The following CFAP70 variants were observed in gnomAD, a reference collection of about 807,000 sequenced individuals.
The protein encoded by CFAP70 is cilia and flagella associated protein 70.
CFAP70 carries 81 observed loss-of-function variants against 137.6 expected under a neutral mutation model. The observed-to-expected ratio is 0.59, with a 90% CI of 0.49 to 0.71. The LOEUF is 0.71. Among genes scored for constraint, CFAP70 ranks in the 30% least tolerant of loss-of-function variants. CFAP70 has a pLI of 0.00. For synonymous variants in CFAP70, 382 were observed against 423.6 expected (o/e 0.90, Z 1.20); for missense variants, 976 against 1,226.7 (o/e 0.80, Z 3.05).
chr10:73,298,845 G>T, intron 14 of CFAP70, 62 bp downstream of exon 15: 1 of 1,429,402 alleles, frequency 7.0e-7, no homozygotes, highest in Non-Finnish European at 9.8e-7. Context: ...AATGTGATGT[G>T]GGTATGTGGA....
At chr10:73,298,578 A>C (rs1381684565) in intron 14 of CFAP70, among the ~76,000 whole-genome samples, 1 of 152,194 alleles carries the variant, frequency 6.6e-6, no homozygotes, top group East Asian at 1.9e-4. Flanking sequence ...GATTTGAATG[A>C]GAGGCAAGAA....
chr10:73,355,526 C>A (rs993852904), intron 1 of CFAP70, among the ~76,000 whole-genome samples: 2 of 152,186 alleles, frequency 1.3e-5, no homozygotes, highest in Non-Finnish European at 2.9e-5. Flanking sequence ...CGCCTGTAAT[C>A]CCAACACTTT....
At chr10:73,300,091 T>G (rs2048837946) in intron 12 of CFAP70, among the ~76,000 whole-genome samples, 1 of 152,230 alleles carries the variant, frequency 6.6e-6, no homozygotes, top group African/African-American at 2.4e-5. Flanking sequence ...CAAAACCTCT[T>G]CTTTCCTCCC....
chr10:73,284,944 T>C (rs2047578363), intron 19 of CFAP70, among the ~76,000 whole-genome samples: 1 of 151,096 alleles, frequency 6.6e-6, no homozygotes, highest in Non-Finnish European at 1.5e-5. Context: ...AAATATTTTA[T>C]ACTTGCAACT....
At chr10:73,329,013 T>C (rs1589507397) in intron 8 of CFAP70, among the ~76,000 whole-genome samples, 1 of 151,372 alleles carries the variant, frequency 6.6e-6, no homozygotes, top group Non-Finnish European at 1.5e-5. Flanking sequence ...GGACTATAAA[T>C]CATGCTGCTA....
chr10:73,353,669 G>A (rs1460911635), exon 3 of CFAP70: 46 of 1,614,004 alleles, frequency 2.9e-5, no homozygotes, highest in Non-Finnish European at 3.9e-5. Context: ...AGTAATTTTT[G>A]CAGAGTCTCC....
intron 13 of CFAP70, 57 bp from the exon 15 acceptor site, chr10:73,299,158 G>C (rs2048749532): frequency 7.6e-7 from 1 of 1,314,916 alleles, no homozygotes. Flanking sequence ...GCATGGATTG[G>C]AAGTCTAAAA....
At chr10:73,348,123 G>A (rs1160716476) in intron 4 of CFAP70, 33 bp downstream of exon 5, 1 of 1,590,114 alleles carries the variant, frequency 6.3e-7, no homozygotes, top group Admixed American at 1.7e-5. Flanking sequence ...TTGAATGGCA[G>A]GCTGAAATGT....
At chr10:73,267,642 G>A (rs570231442) in intron 25 of CFAP70, among the ~76,000 whole-genome samples, 79 of 152,270 alleles carry the variant, frequency 5.2e-4, no homozygotes, top group African/African-American at 1.9e-3. Flanking sequence ...ATTTTCTACT[G>A]CTGTGTATAA....
intron 24 of CFAP70, among the ~76,000 whole-genome samples, chr10:73,270,176 C>T (rs1564757503): frequency 6.6e-6 from 1 of 152,056 alleles, no homozygotes; most frequent in Non-Finnish European, 1.5e-5. Flanking sequence ...TGTTGAAATA[C>T]TATTGTCCAG....
intron 8 of CFAP70, among the ~76,000 whole-genome samples, chr10:73,326,504 A>C (rs1480089219): frequency 5.4e-5 from 8 of 148,840 alleles, no homozygotes; most frequent in Admixed American, 4.0e-4. Flanking sequence ...AACTGAAGGA[A>C]ATAGAGACAC....
In CFAP70 at chr10:73,310,154, A is replaced by T; in HGVS notation, c.1256+4T>A. On this transcript the variant is annotated splice_donor_region_variant and intron_variant, in intron 12 of 26. Coordinates refer to ENST00000310715, the Ensembl canonical transcript of CFAP70. ...AAACTAGTATAAGCACCATAGCTAC[A>T]AACCTTCTGGCTAGCTCCTCTGGCA... 2 of 1,601,774 alleles carry T rather than the reference A, an allele frequency of 1.2e-6. No individual in the cohort carries two copies. The highest frequency in any genetic ancestry group is 1.7e-6 in the Non-Finnish European group (2 of 1,174,254).
chr10:73,323,129 C>A (rs1422740836), intron 8 of CFAP70, 32 bp from the exon 10 acceptor site: 2 of 1,575,106 alleles, frequency 1.3e-6, no homozygotes, highest in South Asian at 2.4e-5. Flanking sequence ...GTTGTTAGTG[C>A]TATAAGCAAT....
At chr10:73,355,527 C>T (rs537533758) in intron 1 of CFAP70, among the ~76,000 whole-genome samples, 38 of 152,202 alleles carry the variant, frequency 2.5e-4, no homozygotes, top group African/African-American at 8.9e-4. Context: ...GCCTGTAATC[C>T]CAACACTTTG....
intron 19 of CFAP70, among the ~76,000 whole-genome samples, chr10:73,284,187 A>G (rs1186917682): frequency 2.0e-5 from 3 of 152,186 alleles, no homozygotes; most frequent in Non-Finnish European, 2.9e-5. Flanking sequence ...GAGGCTACCT[A>G]TATACCTTGG....
chr10:73,331,296 C>A lies in CFAP70; in HGVS notation c.678-20G>T. On this transcript the variant is annotated intron_variant, in intron 7 of 26. Coordinates refer to ENST00000310715, the Ensembl canonical transcript of CFAP70. ...TGAAAACTGCAAATCAAGAATCAGT[C>A]CATTAGCATTATATGCAAAAATAAA... The A allele has an allele frequency of 6.3e-7, 1 of 1,595,844 alleles. No homozygotes were observed. The highest frequency in any genetic ancestry group is 1.1e-5 in the South Asian group (1 of 89,464).
chr10:73,260,027 C>CA (rs1057096588), intron 25 of CFAP70, among the ~76,000 whole-genome samples: 53 of 138,318 alleles, frequency 3.8e-4, no homozygotes, highest in Admixed American at 1.4e-3. Flanking sequence ...GACCCTGTCT[C>CA]AAAAAAAAAA....
At chr10:73,332,405 T>C (rs1174250338) in intron 7 of CFAP70, among the ~76,000 whole-genome samples, 2 of 152,152 alleles carry the variant, frequency 1.3e-5, no homozygotes, top group African/African-American at 2.4e-5. Context: ...AAAGGGTTGA[T>C]CTTTAAGGGA....
At chr10:73,324,466 A>G (rs1448720686) in intron 8 of CFAP70, among the ~76,000 whole-genome samples, 3 of 152,262 alleles carry the variant, frequency 2.0e-5, no homozygotes, top group Non-Finnish European at 4.4e-5. Flanking sequence ...CTCACCAGCA[A>G]TGGAACAAAG....
Sources: allele counts gnomAD v4.1 joint callset (sites outside exome capture counted in the v4.1 genomes callset), GRCh38; gene constraint gnomAD v4.1.1; transcripts MANE v1.5; gene names NCBI Gene and HGNC (gene_info 2026-07-23, HGNC 2026-07-21).